The following SPATA22 variants were observed in gnomAD, a reference collection of about 807,000 sequenced individuals.
SPATA22 encodes the protein spermatogenesis-associated protein 22.
A neutral mutation model predicts 47.8 loss-of-function variants in SPATA22; 29 were observed. The ratio of observed to expected loss-of-function variants is 0.61; its 90% CI spans 0.45 to 0.83. The LOEUF (loss-of-function observed/expected upper bound fraction) is 0.83. Ranked by LOEUF, SPATA22 falls within the 40% of genes least tolerant of loss-of-function variation. The pLI is 0.00. For synonymous variants in SPATA22, 133 were observed against 140.9 expected (o/e 0.94, Z 0.40); for missense variants, 410 against 421.7 (o/e 0.97, Z 0.24).
At chr17:3,494,484 T>A (rs753094905) in intron 1 of SPATA22, 1 of 1,550,658 alleles carries the variant, frequency 6.4e-7, no homozygotes, top group Non-Finnish European at 8.9e-7. Flanking sequence ...TTCTTTAAAA[T>A]GTTGAAAATA....
upstream of SPATA22, among the ~76,000 whole-genome samples, chr17:3,473,532 CTT>C: frequency 2.0e-5 from 3 of 152,270 alleles, no homozygotes; most frequent in Middle Eastern, 0.01. Flanking sequence ...GAGTTTCGCT[CTT>C]GTTCCCCAGG....
chr17:3,501,577 GA>G (rs752106022), intron 1 of SPATA22: 2 of 162,364 alleles, frequency 1.2e-5, no homozygotes, highest in Non-Finnish European at 1.3e-5. Context: ...GAACACTGTT[GA>G]AATGACAAAG....
intron 1 of SPATA22, chr17:3,498,861 A>G: frequency 6.8e-7 from 1 of 1,480,604 alleles, no homozygotes; most frequent in South Asian, 1.4e-5. Flanking sequence ...AACCAAATAT[A>G]ATATATTTAT....
chr17:3,440,223 T>C lies in SPATA22; in HGVS notation c.1016A>G (p.Gln339Arg). 1.9e-6 allele frequency: 3 copies of C among 1,611,406 alleles called. No individual in the cohort carries two copies. Among genetic ancestry groups the C allele is most frequent in the Non-Finnish European group, 2.5e-6 (3 of 1,178,792 alleles). Residue 339 changes from glutamine to arginine, a missense_variant, in exon 9 of 9, where the codon CAA (glutamine) becomes CGA (arginine). Coordinates refer to ENST00000572969, the MANE Select transcript of SPATA22 (RefSeq NM_001170698.2). ...VSVRPASVSE[Q>R]KTFQAFVKIA... ...TTTGACAAATGCCTGGAAAGTTTTT[T>C]GTTCAGAAACAGACGCCGGTCTGAC...
In SPATA22 at chr17:3,457,450, A is replaced by G. The variant is rs989188941; in HGVS notation, c.329+5033T>C. ...CAATGCAATCCCTATCAAAATTTCA[A>G]TGATGTTTTTCACAGAAATAGAAAA... On this transcript the variant is annotated intron_variant, in intron 5 of 8. Coordinates refer to ENST00000572969, the MANE Select transcript of SPATA22 (RefSeq NM_001170698.2). Among the ~76,000 whole-genome samples the G allele has an allele frequency of 5.9e-5, 9 of 152,312 alleles. No homozygotes were observed. In the East Asian group the frequency reaches 1.3e-3, roughly 23 times the overall value.
intron 5 of SPATA22, among the ~76,000 whole-genome samples, chr17:3,457,844 T>A (rs1319504552): frequency 6.6e-6 from 1 of 152,164 alleles, no homozygotes; most frequent in Non-Finnish European, 1.5e-5. Flanking sequence ...AAGACTTAAA[T>A]GTAAGAACTG....
At chr17:3,447,964 G>A (rs1301338185) in intron 6 of SPATA22, among the ~76,000 whole-genome samples, 5 of 152,222 alleles carry the variant, frequency 3.3e-5, no homozygotes, top group African/African-American at 7.2e-5. Context: ...GAAGAATCAA[G>A]TGGGCCAAGG....
At chr17:3,475,985 T>C (rs906650884), upstream of SPATA22, 10 of 636,520 alleles carry the variant, frequency 1.6e-5, no homozygotes, top group Non-Finnish European at 2.5e-5. Context: ...GGAGTGTCCA[T>C]AAACGGGGCT....
chr17:3,469,174 T>C, intron 2 of SPATA22, 109 bp downstream of exon 2: 1 of 554,008 alleles, frequency 1.8e-6, no homozygotes, highest in Non-Finnish European at 3.1e-6. Flanking sequence ...GTAAAGAGGC[T>C]AGATTAACTG....
At chr17:3,470,908 AC>A (rs1192939293) in intron 1 of SPATA22, among the ~76,000 whole-genome samples, 1 of 152,142 alleles carries the variant, frequency 6.6e-6, no homozygotes, top group Non-Finnish European at 1.5e-5. Flanking sequence ...TGATCCCAGC[AC>A]TTCGGGAGGC....
At chr17:3,496,842 G>A (rs1246274781) in intron 1 of SPATA22, among the ~76,000 whole-genome samples, 2 of 152,048 alleles carry the variant, frequency 1.3e-5, no homozygotes, top group Non-Finnish European at 2.9e-5. Flanking sequence ...CGAGGCGGGC[G>A]GATCACGCGG....
intron 1 of SPATA22, among the ~76,000 whole-genome samples, chr17:3,477,335 T>G (rs2150742854): frequency 6.6e-6 from 1 of 152,366 alleles, no homozygotes; most frequent in South Asian, 2.1e-4. Context: ...GCATACAACG[T>G]AAGCAGTCAT....
intron 1 of SPATA22, among the ~76,000 whole-genome samples, chr17:3,479,487 T>A (rs2073590351): frequency 6.6e-6 from 1 of 152,180 alleles, no homozygotes; most frequent in Admixed American, 6.5e-5. Context: ...AAATAATAAG[T>A]CCAGAAGTAG....
At position 3,471,759 on chromosome 17, in the gene SPATA22, C is replaced by T. The variant is rs900889728; in HGVS notation, c.-151G>A. The T allele has an allele frequency of 3.0e-6, 3 of 985,618 alleles. No individual in the cohort carries two copies. The highest frequency in any genetic ancestry group is 2.3e-4 in the East Asian group (2 of 8,820). 61.1% of individuals were successfully genotyped at this position (985,618 alleles called of 1,614,324 possible). A position where few individuals can be genotyped will look rare whatever the true frequency, so the allele number is the denominator to read the frequency against. ...AGTTTCCCTCGCCTCCGTCAACCGTCGTCCAGGCGGCCCCGTCAGCAACCG... is the reference window on the plus strand; with the variant it reads ...AGTTTCCCTCGCCTCCGTCAACCGTTGTCCAGGCGGCCCCGTCAGCAACCG... On this transcript the variant is annotated 5_prime_UTR_variant, in exon 1 of 9. Coordinates refer to ENST00000572969, the MANE Select transcript of SPATA22 (RefSeq NM_001170698.2).
chr17:3,471,883 C>T (rs1434501562), upstream of SPATA22: 3 of 985,200 alleles, frequency 3.0e-6, no homozygotes, highest in Non-Finnish European at 3.6e-6. Flanking sequence ...GCGATGGCAT[C>T]TTCGCTGCCT....
intron 6 of SPATA22, among the ~76,000 whole-genome samples, chr17:3,447,117 T>C (rs2072744600): frequency 6.6e-6 from 1 of 151,866 alleles, no homozygotes; most frequent in South Asian, 2.1e-4. Flanking sequence ...AGTAAACATA[T>C]AACAGAATGT....
intron 1 of SPATA22, chr17:3,481,638 G>T: frequency 6.2e-7 from 1 of 1,613,816 alleles, no homozygotes; most frequent in Middle Eastern, 1.7e-4. Context: ...TATGAAGTGA[G>T]AAGGGCTCAA....
chr17:3,510,304 T>C (rs1398778042), intron 1 of SPATA22, among the ~76,000 whole-genome samples: 1 of 152,190 alleles, frequency 6.6e-6, no homozygotes, highest in Non-Finnish European at 1.5e-5. Flanking sequence ...CTACCTGATG[T>C]GAATGCGCTT....
chr17:3,503,443 TAAGATTTACC>T (rs1402174728), intron 1 of SPATA22: 1 of 152,220 alleles, frequency 6.6e-6, no homozygotes, highest in African/African-American at 2.4e-5. Context: ...CTTTTGTACA[TAAGATTTACC>T]AAGCTTCCTT....
Sources: allele counts gnomAD v4.1 joint callset (sites outside exome capture counted in the v4.1 genomes callset), GRCh38; gene constraint gnomAD v4.1.1; transcripts MANE v1.5; gene names NCBI Gene and HGNC (gene_info 2026-07-23, HGNC 2026-07-21).